Variants in BCOR observed in about 807,000 individuals in gnomAD.
The protein encoded by BCOR is BCL6 corepressor, also known as BCL-6 corepressor.
A neutral mutation model predicts 86.7 loss-of-function variants in BCOR; 10 were observed. The observed-to-expected ratio is 0.12, with a 90% CI of 0.07 to 0.20. The LOEUF (loss-of-function observed/expected upper bound fraction) is 0.20, where lower values mean the gene tolerates loss of function less well. Among genes scored for constraint, BCOR ranks in the 10% least tolerant of loss-of-function variants. BCOR has a pLI of 1.00. For synonymous variants in BCOR, 611 were observed against 609.0 expected, an observed-to-expected ratio of 1.00 and a Z score of -0.05; for missense variants, 1,259 against 1,452.1, an observed-to-expected ratio of 0.87 and a Z score of 2.16.
rs1325290935 is a variant in BCOR, at chrX:40,073,795, G to A, written c.1551C>T (p.Asn517=). 7.4e-6 allele frequency: 9 copies of A among 1,211,491 alleles called. No homozygotes were observed. Among genetic ancestry groups the A allele is most frequent in the Non-Finnish European group, 7.8e-6 (7 of 895,525 alleles). ...SSWVVPGPSP[N]EENNGKSMSL... is the part of the protein sequence containing the mutation. ...ACATGCTTTTGCCATTGTTCTCTTC[G>A]TTAGGACTTGGCCCGGGCACCACCC... The change falls in exon 4 of 15, where the codon AAC becomes AAT. Residue 517 remains asparagine, a synonymous_variant. Transcript: ENST00000378444.
At chrX:40,166,731 C>T (rs1318342670) in intron 1 of BCOR, among the ~76,000 whole-genome samples, 1 of 111,981 alleles carries the variant, frequency 8.9e-6, no homozygotes, top group Non-Finnish European at 1.9e-5. Flanking sequence ...TGATGAAAGG[C>T]GCTTAAGTGC....
At chrX:40,146,120 T>A (rs1938046768) in intron 1 of BCOR, among the ~76,000 whole-genome samples, 1 of 112,213 alleles carries the variant, frequency 8.9e-6, no homozygotes, top group Non-Finnish European at 1.9e-5. Flanking sequence ...ACATTCCGAC[T>A]GCGAAAGCCA....
intron 8 of BCOR, 124 bp from the exon 9 acceptor site, chrX:40,063,195 T>C (rs765034998): frequency 1.0e-5 from 5 of 497,624 alleles, no homozygotes; most frequent in Non-Finnish European, 1.6e-5. Flanking sequence ...TGGAGCGGCT[T>C]CAGTTTTTAA....
intron 1 of BCOR, among the ~76,000 whole-genome samples, chrX:40,090,051 C>G (rs895615166): frequency 8.9e-6 from 1 of 112,439 alleles, no homozygotes; most frequent in Non-Finnish European, 1.9e-5. Context: ...CCCCAATTTC[C>G]GGGTCTGCCC....
intron 1 of BCOR, among the ~76,000 whole-genome samples, chrX:40,133,129 T>C (rs761792591): frequency 9.1e-6 from 1 of 110,264 alleles, no homozygotes; most frequent in South Asian, 3.7e-4. Flanking sequence ...TTTCTTTTTT[T>C]TCTTTTTTTC....
At chrX:40,144,123 TCAG>T (rs1332661340) in intron 1 of BCOR, among the ~76,000 whole-genome samples, 1 of 35 alleles carries the variant, frequency 0.029, no homozygotes, top group East Asian at 0.5. Flanking sequence ...GACTGCAGTA[TCAG>T]GTGGCAGTAT....
intron 1 of BCOR, among the ~76,000 whole-genome samples, chrX:40,103,591 C>A (rs1489439639): frequency 9.0e-6 from 1 of 111,522 alleles, no homozygotes. Context: ...GCCTTCCACC[C>A]TGGACTACAC....
intron 1 of BCOR, among the ~76,000 whole-genome samples, chrX:40,081,297 G>C (rs1936097119): frequency 1.8e-5 from 2 of 111,467 alleles, no homozygotes; most frequent in Admixed American, 9.5e-5. Flanking sequence ...GAAGAACAGG[G>C]GTCACCATTA....
Position 40,123,237 on chromosome X carries a change from C to G in BCOR, c.-40-45268G>C, listed in dbSNP as rs143700136. 6.3e-5 allele frequency among the ~76,000 whole-genome samples: 7 copies of G among 111,394 alleles called. No individual in the cohort carries two copies. In the East Asian group the frequency reaches 1.7e-3, roughly 27 times the overall value. ...ACCATATTCGGCTTGCCATCAAGCT[C>G]TGTGTGCAGTGGCAGGGAGTGAGAA... On this transcript the variant is annotated intron_variant, in intron 1 of 14. Coordinates refer to the BCOR transcript ENST00000342274.
At chrX:40,118,595 T>C (rs1192878621) in intron 1 of BCOR, among the ~76,000 whole-genome samples, 1 of 111,724 alleles carries the variant, frequency 9.0e-6, no homozygotes, top group Non-Finnish European at 1.9e-5. Flanking sequence ...TGGCCGACTC[T>C]AGATCCAGTC....
In BCOR at chrX:40,072,619, G is replaced by A; in HGVS notation, c.2727C>T (p.Gly909=). Residue 909 remains glycine (G), a synonymous_variant, in exon 4 of 15, where the codon GGC becomes GGT. Transcript: ENST00000378444. ...GGGTTTTACCAAAAGTTACAGCAGGGCCATCGCTCCCCAGAGGTGGCTCCA... is the reference window on the plus strand; with the variant it reads ...GGGTTTTACCAAAAGTTACAGCAGGACCATCGCTCCCCAGAGGTGGCTCCA... ...PFLEPPLGSD[G]PAVTFGKTQE... 2 of 1,212,117 alleles carry A rather than the reference G, an allele frequency of 1.7e-6. No homozygotes were observed. Among genetic ancestry groups the A allele is most frequent in the South Asian group, 1.8e-5 (1 of 57,036 alleles).
At chrX:40,072,271 C>T (rs1230152752) in intron 4 of BCOR, 78 bp downstream of exon 4, 2 of 1,051,912 alleles carry the variant, frequency 1.9e-6, no homozygotes, top group East Asian at 3.3e-5. Context: ...CCTGCCCTAC[C>T]ATACTCCCCC....
intron 1 of BCOR, among the ~76,000 whole-genome samples, chrX:40,161,233 G>A (rs1175888005): frequency 9.7e-6 from 1 of 103,531 alleles, no homozygotes; most frequent in Admixed American, 1.1e-4. Flanking sequence ...TTGAGACGTC[G>A]TCTCACTCTG....
At chrX:40,062,079 C>A in intron 10 of BCOR, 60 bp downstream of exon 10, 1 of 1,160,948 alleles carries the variant, frequency 8.6e-7, no homozygotes, top group Non-Finnish European at 1.2e-6. Context: ...CCTCGCCCAC[C>A]ACAGTCCGCA....
chrX:40,064,016 C>A, intron 7 of BCOR, 64 bp from the exon 8 acceptor site: 1 of 498,574 alleles, frequency 2.0e-6, no homozygotes, highest in Non-Finnish European at 3.3e-6. Flanking sequence ...CTGTCTTACG[C>A]ATCACTAATG....
intron 1 of BCOR, among the ~76,000 whole-genome samples, chrX:40,092,373 C>G (rs1936658542): frequency 9.0e-6 from 1 of 111,547 alleles, no homozygotes; most frequent in Non-Finnish European, 1.9e-5. Context: ...AAGCCATACC[C>G]TAGCCGGAGT....
At chrX:40,067,602 G>A (rs1265990033) in intron 6 of BCOR, among the ~76,000 whole-genome samples, 1 of 111,179 alleles carries the variant, frequency 9.0e-6, no homozygotes, top group African/African-American at 3.3e-5. Context: ...CTTCTTGTCC[G>A]CTCTCAAGAA....
intron 1 of BCOR, among the ~76,000 whole-genome samples, chrX:40,145,126 AG>A (rs1390277002): frequency 9.0e-6 from 1 of 111,123 alleles, no homozygotes; most frequent in Non-Finnish European, 1.9e-5. Context: ...GACTGCACGG[AG>A]CTGCCAGGAG....
At chrX:40,131,634 C>T (rs1323864323) in intron 1 of BCOR, among the ~76,000 whole-genome samples, 5 of 108,486 alleles carry the variant, frequency 4.6e-5, no homozygotes, top group South Asian at 3.9e-4. Context: ...GCAACAAGAG[C>T]GAAACTCTGT....
Sources: gnomAD v4.1 joint callset for allele counts (sites outside exome capture counted in the v4.1 genomes callset) on GRCh38, gnomAD v4.1.1 for gene constraint, MANE v1.5 for transcripts, NCBI Gene and HGNC (gene_info 2026-07-23, HGNC 2026-07-21) for gene names.